Variants in NALF1 observed in about 807,000 individuals in gnomAD.
The protein encoded by NALF1 is NALCN channel auxiliary factor 1.
A neutral mutation model predicts 48.4 loss-of-function variants in NALF1; 3 were observed. The observed-to-expected ratio is 0.06, with a 90% CI of 0.03 to 0.16. NALF1 has a LOEUF of 0.16. NALF1 is among the 10% of genes least tolerant of loss of function. The pLI is 1.00. For synonymous variants in NALF1, 262 were observed against 245.7 expected (o/e 1.07, Z -0.62); for missense variants, 526 against 571.5 (o/e 0.92, Z 0.81).
intron 1 of NALF1, among the ~76,000 whole-genome samples, chr13:107,284,602 G>A (rs1234114156): frequency 6.6e-6 from 1 of 152,170 alleles, no homozygotes; most frequent in Non-Finnish European, 1.5e-5. Flanking sequence ...GTATGTTGAA[G>A]CCCTAACTCC....
intron 1 of NALF1, among the ~76,000 whole-genome samples, chr13:107,452,179 T>A (rs1018753844): frequency 6.6e-6 from 1 of 152,072 alleles, no homozygotes; most frequent in African/African-American, 2.4e-5. Flanking sequence ...GCCTCAACAA[T>A]CTCTTCCTCC....
chr13:107,271,799 TATATATATATA>T (rs1566470708), intron 1 of NALF1, among the ~76,000 whole-genome samples: 4,785 of 110,492 alleles, frequency 0.043, 177 homozygotes, highest in African/African-American at 0.058. Context: ...TATATATATA[TATATATATATA>T]TATATATTTA....
chr13:107,840,339 T>G (rs1860369604), intron 1 of NALF1, among the ~76,000 whole-genome samples: 1 of 152,196 alleles, frequency 6.6e-6, no homozygotes, highest in Admixed American at 6.5e-5. Context: ...AGCAAACAGT[T>G]TATTTCTTGC....
chr13:107,593,700 T>C (rs1242642835), intron 1 of NALF1, among the ~76,000 whole-genome samples: 1 of 151,852 alleles, frequency 6.6e-6, no homozygotes, highest in African/African-American at 2.4e-5. Context: ...CAGCTCATGA[T>C]ACCATGAATC....
At chr13:107,240,641 C>G (rs946579579) in intron 1 of NALF1, among the ~76,000 whole-genome samples, 1 of 152,120 alleles carries the variant, frequency 6.6e-6, no homozygotes, top group Non-Finnish European at 1.5e-5. Flanking sequence ...GGAGAACCAA[C>G]CTGATCTAAG....
At position 107,421,077 on chromosome 13, in the gene NALF1, A is replaced by G. The variant is rs556331345; in HGVS notation, c.916-210322T>C. The stretch of plus-strand genomic sequence containing the variant: ...GTATATTATGCTACAGGCACTTCAA[A>G]TATGGAAAGAAATAACACTTTTATC... On this transcript the variant is annotated intron_variant, in intron 1 of 2. Coordinates refer to ENST00000375915, the MANE Select transcript of NALF1 (RefSeq NM_001080396.3). Among the ~76,000 whole-genome samples the G allele has an allele frequency of 3.3e-5, 5 of 152,312 alleles. No homozygotes were observed. The South Asian group carries it at 1.0e-3, about 32-fold the overall frequency.
At chr13:107,380,511 G>A (rs1003012752) in intron 1 of NALF1, among the ~76,000 whole-genome samples, 12 of 152,274 alleles carry the variant, frequency 7.9e-5, no homozygotes, top group African/African-American at 2.6e-4. Context: ...AGACATCAGA[G>A]CGATCTCCTT....
chr13:107,215,907 ATCTC>A (rs1189151382), intron 1 of NALF1, among the ~76,000 whole-genome samples: 1 of 152,184 alleles, frequency 6.6e-6, no homozygotes, highest in Non-Finnish European at 1.5e-5. Flanking sequence ...TCCAAAATCC[ATCTC>A]TCTATTTTAG....
intron 1 of NALF1, among the ~76,000 whole-genome samples, chr13:107,714,378 G>T (rs1875687152): frequency 6.6e-6 from 1 of 151,946 alleles, no homozygotes; most frequent in Non-Finnish European, 1.5e-5. Context: ...AAAACATTAG[G>T]AAACCAGGCC....
At chr13:107,417,257 T>G (rs1478487686) in intron 1 of NALF1, among the ~76,000 whole-genome samples, 1 of 152,230 alleles carries the variant, frequency 6.6e-6, no homozygotes. Context: ...ATTTTTGTCC[T>G]GGGTCCCTAA....
intron 1 of NALF1, among the ~76,000 whole-genome samples, chr13:107,600,429 A>C (rs1001335444): frequency 3.3e-5 from 5 of 152,122 alleles, no homozygotes; most frequent in Non-Finnish European, 2.9e-5. Flanking sequence ...AGACCTCCTC[A>C]AACTATTATG....
In NALF1 at chr13:107,273,949, A is replaced by G. The variant is rs369813718; in HGVS notation, c.916-63194T>C. Among the ~76,000 whole-genome samples, 246 of 152,232 alleles carry G rather than the reference A, an allele frequency of 1.6e-3. 1 individual carries two copies. The Middle Eastern group carries it at 0.044, about 27-fold the overall frequency. ...GGGGAGAGGAATCGTCATGCTCATG[A>G]GCTTCTGTAACATCAAAAAAGTTAA... On this transcript the variant is annotated intron_variant, in intron 1 of 2. Transcript: ENST00000375915.
In NALF1 at chr13:107,164,659, T is replaced by A. The variant is rs1209818918; in HGVS notation, c.*5838A>T. On this transcript the variant is annotated 3_prime_UTR_variant, in exon 3 of 3. Coordinates refer to ENST00000375915, the MANE Select transcript of NALF1 (RefSeq NM_001080396.3). The stretch of plus-strand genomic sequence containing the variant: ...AGTAGTAGCCTTTTGGGAGTGGAAA[T>A]CGAAAATAGCCAATGCTGTTTATAT... 6.6e-6 allele frequency: 1 copy of A among 152,052 alleles called. No individual in the cohort carries two copies. The highest frequency in any genetic ancestry group is 1.5e-5 in the Non-Finnish European group (1 of 68,022). 9.4% of individuals were successfully genotyped at this position (152,052 alleles called of 1,614,324 possible).
At chr13:107,285,413 A>C (rs1322240599) in intron 1 of NALF1, among the ~76,000 whole-genome samples, 4 of 152,236 alleles carry the variant, frequency 2.6e-5, no homozygotes, top group Non-Finnish European at 5.9e-5. Flanking sequence ...GCCACCTCTA[A>C]GCCCAGGACA....
At chr13:107,309,846 T>C (rs1418707794) in intron 1 of NALF1, among the ~76,000 whole-genome samples, 1 of 152,232 alleles carries the variant, frequency 6.6e-6, no homozygotes. Context: ...TTGATGGTAG[T>C]ACTGAGTGTT....
intron 1 of NALF1, among the ~76,000 whole-genome samples, chr13:107,377,015 TTC>T (rs1883351190): frequency 6.6e-6 from 1 of 152,164 alleles, no homozygotes; most frequent in Non-Finnish European, 1.5e-5. Flanking sequence ...TCTCTGTCCC[TTC>T]CCTCCCAGCA....
chr13:107,735,955 T>C (rs1876455413), intron 1 of NALF1, among the ~76,000 whole-genome samples: 1 of 152,198 alleles, frequency 6.6e-6, no homozygotes, highest in Non-Finnish European at 1.5e-5. Flanking sequence ...CTGAGTTATA[T>C]GCTTCTCTTA....
intron 1 of NALF1, among the ~76,000 whole-genome samples, chr13:107,309,574 C>T (rs1047687564): frequency 3.9e-5 from 6 of 152,098 alleles, no homozygotes; most frequent in Non-Finnish European, 7.4e-5. Context: ...CGAAGGTTCA[C>T]GGGAGGAACA....
chr13:107,776,746 G>A (rs1877742579), intron 1 of NALF1, among the ~76,000 whole-genome samples: 1 of 152,178 alleles, frequency 6.6e-6, no homozygotes, highest in Non-Finnish European at 1.5e-5. Context: ...GTGCTTTGAT[G>A]TAAATGCTGC....
Sources: allele counts gnomAD v4.1 joint callset (sites outside exome capture counted in the v4.1 genomes callset), GRCh38; gene constraint gnomAD v4.1.1; transcripts MANE v1.5; gene names NCBI Gene and HGNC (gene_info 2026-07-23, HGNC 2026-07-21).